Variants in NQO2 observed in about 807,000 individuals in gnomAD.
NQO2 encodes the protein N-ribosyldihydronicotinamide:quinone dehydrogenase 2, also known as ribosyldihydronicotinamide dehydrogenase [quinone].
A neutral mutation model predicts 22.0 loss-of-function variants in NQO2; 18 were observed. The observed-to-expected ratio is 0.82, with a 90% CI of 0.56 to 1.21. NQO2 has a LOEUF of 1.21. Ranked by LOEUF, NQO2 falls within the 50% of genes most tolerant of loss-of-function variation. The probability of loss-of-function intolerance (pLI) is 0.00; values close to 1 mark genes in which losing one functional copy is unlikely to be tolerated. For missense variants in NQO2, 267 were observed against 286.9 expected, an observed-to-expected ratio of 0.93 and a Z score of 0.50; for synonymous variants, 106 against 110.8, an observed-to-expected ratio of 0.96 and a Z score of 0.28.
chr6:3,013,164 C>T (rs929878118), intron 4 of NQO2, among the ~76,000 whole-genome samples: 6 of 151,822 alleles, frequency 4.0e-5, no homozygotes, highest in Non-Finnish European at 7.4e-5. Flanking sequence ...ACCGTGTTAG[C>T]CAGGATGGTC....
Position 3,019,494 on chromosome 6 carries a change from T to G in NQO2, c.535T>G (p.Phe179Val). The G allele has an allele frequency of 6.2e-7, 1 of 1,613,982 alleles. No homozygotes were observed. Among genetic ancestry groups the G allele is most frequent in the African/African-American group, 1.3e-5 (1 of 75,028 alleles). The change falls in exon 7 of 7, where the codon TTC becomes GTC. Residue 179 changes from phenylalanine (F) to valine (V), a missense_variant. Coordinates refer to ENST00000380455, the MANE Select transcript of NQO2 (RefSeq NM_000904.6). ...GTGGCTTTAGCATGGCACATTACACTTCTGTGGATTTAAAGTCCTTGCCCC... is the reference window on the plus strand; with the variant it reads ...GTGGCTTTAGCATGGCACATTACACGTCTGTGGATTTAAAGTCCTTGCCCC... Reference protein sequence around the residue: ...LWPLQHGTLHFCGFKVLAPQI... With the variant: ...LWPLQHGTLHVCGFKVLAPQI...
At chr6:3,012,327 GAGCAC>G in intron 3 of NQO2, 1 of 914,948 alleles carries the variant, frequency 1.1e-6, no homozygotes, top group Non-Finnish European at 1.3e-6. Context: ...GATGTGTGTA[GAGCAC>G]AGCACCTGCT....
intron 1 of NQO2, among the ~76,000 whole-genome samples, chr6:3,001,102 T>A (rs1351573605): frequency 6.6e-6 from 1 of 150,436 alleles, no homozygotes; most frequent in Non-Finnish European, 1.5e-5. Flanking sequence ...TTTTTTTTTT[T>A]TTTTGAGATG....
Position 3,006,307 on chromosome 6 carries a change from C to G in NQO2, c.-85-161C>G. The G allele has an allele frequency of 1.0e-6, 1 of 984,602 alleles. No homozygotes were observed. Among genetic ancestry groups the G allele is most frequent in the Non-Finnish European group, 1.2e-6 (1 of 829,224 alleles). The allele number at this position is 984,602 out of a possible 1,614,324, so 61.0% of individuals were successfully genotyped here. A position where few individuals can be genotyped will look rare whatever the true frequency, so the allele number is the denominator to read the frequency against. Reference sequence around the variant, plus strand: ...GTTTTGACATCCTGCGTGGCTTGTCCTCTGAGGCCTAAATCTCCAGAAGAT... The same window carrying G: ...GTTTTGACATCCTGCGTGGCTTGTCGTCTGAGGCCTAAATCTCCAGAAGAT... On this transcript the variant is annotated intron_variant, in intron 1 of 6. Coordinates refer to ENST00000380455, the MANE Select transcript of NQO2 (RefSeq NM_000904.6). The surrounding 1 kb of genome is among the most constrained non-coding windows in gnomAD (Gnocchi z 4.0).
chr6:3,018,161 G>A (rs778891051), intron 6 of NQO2, among the ~76,000 whole-genome samples: 5 of 152,190 alleles, frequency 3.3e-5, no homozygotes, highest in Non-Finnish European at 7.3e-5. Context: ...ACCATTTGCT[G>A]TTTTCTCCTC....
chr6:3,011,818 C>T (rs1757145351), intron 3 of NQO2, among the ~76,000 whole-genome samples: 1 of 152,166 alleles, frequency 6.6e-6, no homozygotes, highest in African/African-American at 2.4e-5. Flanking sequence ...ACCAAGAATA[C>T]TGTACCCAGC....
chr6:3,009,025 G>C (rs564266835), intron 2 of NQO2, among the ~76,000 whole-genome samples: 1 of 152,256 alleles, frequency 6.6e-6, no homozygotes, highest in Admixed American at 6.5e-5. Context: ...ATCTTATCAG[G>C]AGCCAGGGTT....
intron 5 of NQO2, 34 bp from the exon 6 acceptor site, chr6:3,016,850 G>A: frequency 6.2e-7 from 1 of 1,609,998 alleles, no homozygotes; most frequent in Admixed American, 1.7e-5. Flanking sequence ...CTCTTCTGGA[G>A]TCCACACAAA....
At chr6:3,012,042 G>C (rs1421893473) in intron 3 of NQO2, among the ~76,000 whole-genome samples, 1 of 152,232 alleles carries the variant, frequency 6.6e-6, no homozygotes. Flanking sequence ...ATTGTGTACA[G>C]TCCACTCATT....
intron 3 of NQO2, among the ~76,000 whole-genome samples, chr6:3,012,029 G>A (rs1432000809): frequency 6.6e-6 from 1 of 152,220 alleles, no homozygotes; most frequent in South Asian, 2.1e-4. Flanking sequence ...CTCTAATACT[G>A]TAATTGTGTA....
At chr6:3,018,957 G>A (rs1329592986) in intron 6 of NQO2, among the ~76,000 whole-genome samples, 1 of 149,602 alleles carries the variant, frequency 6.7e-6, no homozygotes, top group Non-Finnish European at 1.5e-5. Context: ...TAAATGGTTT[G>A]ATTTATTTTC....
At chr6:3,011,430 G>A (rs1356510802) in intron 3 of NQO2, among the ~76,000 whole-genome samples, 1 of 152,142 alleles carries the variant, frequency 6.6e-6, no homozygotes, top group African/African-American at 2.4e-5. Flanking sequence ...AAAAGGTATG[G>A]AGATTTCTTA....
At chr6:3,002,053 G>A (rs1018570274) in intron 1 of NQO2, 9 of 191,232 alleles carry the variant, frequency 4.7e-5, no homozygotes, top group Admixed American at 6.5e-5. Context: ...CCGCTAGGGG[G>A]ATGGAGACAG....
chr6:3,013,598 C>T (rs1018421933), intron 4 of NQO2, among the ~76,000 whole-genome samples: 2 of 152,158 alleles, frequency 1.3e-5, no homozygotes, highest in East Asian at 1.9e-4. Flanking sequence ...GCTTCACCCC[C>T]AGCCCAGCCA....
chr6:3,000,633 C>T (rs1756654878), intron 1 of NQO2, among the ~76,000 whole-genome samples: 1 of 151,994 alleles, frequency 6.6e-6, no homozygotes, highest in Non-Finnish European at 1.5e-5. Context: ...CCTCCGCCTC[C>T]CGGGTTCAAG....
At chr6:3,018,215 T>A (rs1307751023) in intron 6 of NQO2, among the ~76,000 whole-genome samples, 2 of 152,248 alleles carry the variant, frequency 1.3e-5, no homozygotes, top group Non-Finnish European at 2.9e-5. Flanking sequence ...AATAAAGTCA[T>A]GTTGTCTGAA....
chr6:3,011,553 A>T (rs1757134100), intron 3 of NQO2, among the ~76,000 whole-genome samples: 2 of 152,184 alleles, frequency 1.3e-5, no homozygotes, highest in South Asian at 4.1e-4. Context: ...ATAACAGAAA[A>T]ATTTTCCAAA....
chr6:3,015,397 G>T, intron 4 of NQO2, 133 bp from the exon 5 acceptor site: 6 of 1,472,230 alleles, frequency 4.1e-6, no homozygotes, highest in Non-Finnish European at 5.4e-6. Flanking sequence ...CTGACCATAA[G>T]GGTTACCCTC....
intron 4 of NQO2, chr6:3,015,178 A>G: frequency 1.5e-6 from 2 of 1,321,482 alleles, no homozygotes; most frequent in Non-Finnish European, 2.0e-6. Flanking sequence ...GCGAAGGGGC[A>G]TGCTTTTCCA....
Sources: allele counts gnomAD v4.1 joint callset (sites outside exome capture counted in the v4.1 genomes callset), GRCh38; gene constraint gnomAD v4.1.1; non-coding constraint Gnocchi (gnomAD v3.1); transcripts MANE v1.5; gene names NCBI Gene and HGNC (gene_info 2026-07-23, HGNC 2026-07-21).